The following KCNIP4 variants were observed in gnomAD, a reference collection of about 807,000 sequenced individuals.
KCNIP4 encodes Kv channel-interacting protein 4.
Under a neutral mutation model 34.0 loss-of-function variants are expected in KCNIP4, and 12 were observed. That is an observed-to-expected ratio of 0.35 (90% CI 0.23 to 0.57). The LOEUF (loss-of-function observed/expected upper bound fraction) is 0.57, where lower values mean the gene tolerates loss of function less well. KCNIP4 is among the 20% of genes least tolerant of loss of function. KCNIP4 has a pLI of 0.83. For missense variants in KCNIP4, 238 were observed against 311.7 expected (o/e 0.76, Z 1.78); for synonymous variants, 124 against 102.2 (o/e 1.21, Z -1.29).
chr4:21,284,644 G>A (rs1450158208), intron 1 of KCNIP4, among the ~76,000 whole-genome samples: 1 of 152,116 alleles, frequency 6.6e-6, no homozygotes, highest in Non-Finnish European at 1.5e-5. Context: ...AGATCTCCGA[G>A]GATAAACAGG....
intron 1 of KCNIP4, among the ~76,000 whole-genome samples, chr4:21,933,718 C>A (rs1729700612): frequency 1.3e-5 from 2 of 152,052 alleles, no homozygotes; most frequent in African/African-American, 4.8e-5. Context: ...TGTGTCCTGA[C>A]ACCCAGAGAG....
chr4:21,188,521 T>C (rs1246440309), intron 1 of KCNIP4, among the ~76,000 whole-genome samples: 1 of 152,246 alleles, frequency 6.6e-6, no homozygotes, highest in Non-Finnish European at 1.5e-5. Context: ...ACATATGGTT[T>C]CTTGCTACAT....
At chr4:20,812,140 C>A (rs1715851380) in intron 3 of KCNIP4, among the ~76,000 whole-genome samples, 1 of 152,180 alleles carries the variant, frequency 6.6e-6, no homozygotes, top group Non-Finnish European at 1.5e-5. Flanking sequence ...GCTAAAATAG[C>A]AGCTTGAAGA....
chr4:21,296,828 G>A (rs756348303), intron 1 of KCNIP4, among the ~76,000 whole-genome samples: 12 of 152,014 alleles, frequency 7.9e-5, no homozygotes, highest in Non-Finnish European at 1.6e-4. Flanking sequence ...CTGGCCGGTG[G>A]GGGTGAATTT....
At chr4:21,249,707 A>G (rs1760547691) in intron 1 of KCNIP4, among the ~76,000 whole-genome samples, 1 of 152,118 alleles carries the variant, frequency 6.6e-6, no homozygotes, top group Non-Finnish European at 1.5e-5. Flanking sequence ...TTATTTGAAG[A>G]TGTTCATTTA....
chr4:21,343,543 A>T (rs1716969222), intron 1 of KCNIP4, among the ~76,000 whole-genome samples: 1 of 152,130 alleles, frequency 6.6e-6, no homozygotes, highest in Admixed American at 6.5e-5. Flanking sequence ...ATTCTCCTTG[A>T]AACAATTCGA....
chr4:21,336,205 T>C (rs548159570), intron 1 of KCNIP4, among the ~76,000 whole-genome samples: 56 of 152,270 alleles, frequency 3.7e-4, no homozygotes, highest in African/African-American at 1.3e-3. Context: ...TAACATTAAA[T>C]TTTTAATAAA....
chr4:21,845,996 G>C (rs867547887), intron 1 of KCNIP4: 1 of 151,930 alleles, frequency 6.6e-6, no homozygotes, highest in South Asian at 2.1e-4. Context: ...GTTTTGTTTT[G>C]TTTTTACTGC....
chr4:21,057,159 A>C (rs867574988), intron 1 of KCNIP4, among the ~76,000 whole-genome samples: 48 of 152,110 alleles, frequency 3.2e-4, no homozygotes, highest in African/African-American at 1.0e-3. Flanking sequence ...TAATTGAACC[A>C]CTGAGTATCT....
chr4:21,044,461 GC>G (rs370316819), intron 1 of KCNIP4, among the ~76,000 whole-genome samples: 15 of 152,068 alleles, frequency 9.9e-5, no homozygotes, highest in African/African-American at 3.1e-4. Flanking sequence ...AGAGGCACCT[GC>G]CACCATGCCC....
At chr4:21,705,405 A>G (rs111463070) in intron 1 of KCNIP4, among the ~76,000 whole-genome samples, 2,329 of 152,054 alleles carry the variant, frequency 0.015, 68 homozygotes, top group African/African-American at 0.053. Flanking sequence ...TTATTTGCTT[A>G]TAATTCCATG....
At position 21,473,619 on chromosome 4, in the gene KCNIP4, C is replaced by A. The variant is rs931433908; in HGVS notation, c.61+474952G>T. 5.9e-5 allele frequency among the ~76,000 whole-genome samples: 9 copies of A among 151,860 alleles called. No homozygotes were observed. In the East Asian group the frequency reaches 1.7e-3, roughly 29 times the overall value. ...AATTAGAGTATATATCTTCAGTGAG[C>A]ACAAGAAAACTTTAGATAAGAGTTT... On this transcript the variant is annotated intron_variant, in intron 1 of 8. Transcript: ENST00000382152.
At chr4:21,408,222 T>C (rs987106792) in intron 1 of KCNIP4, among the ~76,000 whole-genome samples, 2 of 152,200 alleles carry the variant, frequency 1.3e-5, no homozygotes, top group Non-Finnish European at 2.9e-5. Flanking sequence ...TCCAGTAATA[T>C]GATAATATAG....
intron 1 of KCNIP4, among the ~76,000 whole-genome samples, chr4:21,572,687 A>G (rs1174751477): frequency 2.0e-5 from 3 of 147,786 alleles, no homozygotes; most frequent in Non-Finnish European, 4.4e-5. Flanking sequence ...GTGCTATGGC[A>G]TGACCTCAGC....
intron 3 of KCNIP4, among the ~76,000 whole-genome samples, chr4:20,836,157 T>C (rs1352799): frequency 0.78 from 118,627 of 152,104 alleles, 46,439 homozygotes; most frequent in African/African-American, 0.83. Context: ...TCAAATCCAG[T>C]CTGCAAGACT....
At chr4:21,481,665 G>A (rs1001259550) in intron 1 of KCNIP4, among the ~76,000 whole-genome samples, 2 of 152,094 alleles carry the variant, frequency 1.3e-5, no homozygotes, top group African/African-American at 4.8e-5. Flanking sequence ...TGGGCTTCTG[G>A]ACTAATGGAT....
intron 1 of KCNIP4, among the ~76,000 whole-genome samples, chr4:21,626,274 C>T (rs145964939): frequency 2.0e-5 from 3 of 151,988 alleles, no homozygotes; most frequent in East Asian, 1.9e-4. Flanking sequence ...TGTGATGGTA[C>T]GTGGAGATGA....
intron 1 of KCNIP4, among the ~76,000 whole-genome samples, chr4:20,967,564 A>G (rs1734486718): frequency 6.6e-6 from 1 of 152,240 alleles, no homozygotes; most frequent in Non-Finnish European, 1.5e-5. Flanking sequence ...ACAGCATGGT[A>G]CTTGTACCAA....
intron 1 of KCNIP4, among the ~76,000 whole-genome samples, chr4:20,947,130 C>T (rs902113114): frequency 1.3e-5 from 2 of 152,164 alleles, no homozygotes; most frequent in South Asian, 2.1e-4. Flanking sequence ...CTCTAACTTA[C>T]GTGACTTTGC....
Sources: allele counts gnomAD v4.1 joint callset (sites outside exome capture counted in the v4.1 genomes callset), GRCh38; gene constraint gnomAD v4.1.1; transcripts MANE v1.5; gene names NCBI Gene and HGNC (gene_info 2026-07-23, HGNC 2026-07-21).